The following CLEC4E variants were observed in gnomAD, a reference collection of about 807,000 sequenced individuals.
CLEC4E encodes C-type lectin domain family 4 member E.
A neutral mutation model predicts 24.7 loss-of-function variants in CLEC4E; 21 were observed. The ratio of observed to expected loss-of-function variants is 0.85; its 90% CI spans 0.60 to 1.22. CLEC4E has a LOEUF of 1.22. Ranked by LOEUF, CLEC4E falls within the 50% of genes most tolerant of loss-of-function variation. The pLI is 0.00. For synonymous variants in CLEC4E, 94 were observed against 85.7 expected (o/e 1.10, Z -0.54); for missense variants, 249 against 254.1 (o/e 0.98, Z 0.14).
intron 3 of CLEC4E, among the ~76,000 whole-genome samples, chr12:8,537,737 TG>T (rs1441635238): frequency 6.6e-6 from 1 of 152,242 alleles, no homozygotes; most frequent in African/African-American, 2.4e-5. Context: ...GGACACGAGC[TG>T]TTCCAGTATA....
chr12:8,538,518 A>G (rs1330292186), intron 3 of CLEC4E, among the ~76,000 whole-genome samples: 2 of 152,178 alleles, frequency 1.3e-5, no homozygotes, highest in African/African-American at 4.8e-5. Context: ...CTTGTATCCA[A>G]TAAATAACAG....
intron 3 of CLEC4E, chr12:8,538,981 C>T (rs1324645830): frequency 2.2e-6 from 1 of 449,910 alleles, no homozygotes; most frequent in Admixed American, 4.1e-5. Flanking sequence ...ATAATACCTT[C>T]CACTTCCAGA....
Position 8,539,197 on chromosome 12 carries a change from C to A in CLEC4E, c.220+20G>T. The A allele has an allele frequency of 6.6e-7, 1 of 1,521,000 alleles. No individual in the cohort carries two copies. The highest frequency in any genetic ancestry group is 9.1e-7 in the Non-Finnish European group (1 of 1,100,276). 94.2% of individuals were successfully genotyped at this position (1,521,000 alleles called of 1,614,324 possible). On this transcript the variant is annotated intron_variant, in intron 3 of 5. Coordinates refer to ENST00000299663, the MANE Select transcript of CLEC4E (RefSeq NM_014358.4). ...ATGTTGCTTTGTAAATTTTGATGTT[C>A]ACCTTTGGGACTATTATACCTGATC...
chr12:8,538,667 C>A (rs999253609), intron 3 of CLEC4E, among the ~76,000 whole-genome samples: 6 of 152,168 alleles, frequency 3.9e-5, no homozygotes, highest in Admixed American at 3.3e-4. Flanking sequence ...CAGGGAGAGA[C>A]CCACCAACCC....
At chr12:8,535,578 A>C (rs113988273) in intron 5 of CLEC4E, among the ~76,000 whole-genome samples, 5,148 of 103,398 alleles carry the variant, frequency 0.05, 268 homozygotes, top group African/African-American at 0.14. Context: ...AAAGTTGAAG[A>C]AAAGAAAAAA....
intron 4 of CLEC4E, among the ~76,000 whole-genome samples, chr12:8,536,740 T>A (rs1940620227): frequency 6.6e-6 from 1 of 152,240 alleles, no homozygotes; most frequent in African/African-American, 2.4e-5. Context: ...CTATTATTGG[T>A]GGCCAAATTT....
At chr12:8,538,952 A>C (rs1940656707) in intron 3 of CLEC4E, 1 of 409,110 alleles carries the variant, frequency 2.4e-6, no homozygotes, top group African/African-American at 2.1e-5. Flanking sequence ...TGAATGAAAA[A>C]AAAGGTACAC....
intron 3 of CLEC4E, 129 bp from the exon 4 acceptor site, chr12:8,537,395 T>C: frequency 1.4e-6 from 1 of 712,378 alleles, no homozygotes; most frequent in Non-Finnish European, 2.3e-6. Context: ...CCCTACATCT[T>C]AGTATCTAAG....
intron 4 of CLEC4E, 66 bp downstream of exon 4, chr12:8,537,049 A>C (rs1272157009): frequency 6.7e-7 from 1 of 1,483,508 alleles, no homozygotes; most frequent in African/African-American, 1.4e-5. Context: ...AGCACTGTGC[A>C]TATGTATGAA....
intron 2 of CLEC4E, among the ~76,000 whole-genome samples, 166 bp downstream of exon 2, chr12:8,539,689 G>A (rs956036571): frequency 6.6e-6 from 1 of 151,902 alleles, no homozygotes; most frequent in African/African-American, 2.4e-5. Flanking sequence ...TTCCCTGCTT[G>A]TTGAGGTTTC....
chr12:8,537,306 C>A (rs1257184587), intron 3 of CLEC4E, 40 bp from the exon 4 acceptor site: 7 of 1,580,276 alleles, frequency 4.4e-6, no homozygotes, highest in South Asian at 1.1e-5. Context: ...CCAGGTGAAC[C>A]GAATAAGAAA....
At chr12:8,538,560 T>C (rs999004308) in intron 3 of CLEC4E, among the ~76,000 whole-genome samples, 4 of 152,170 alleles carry the variant, frequency 2.6e-5, no homozygotes, top group Non-Finnish European at 5.9e-5. Flanking sequence ...ACTACCGGTC[T>C]CCGCGCATTG....
At chr12:8,539,184 A>G (rs1940660332) in intron 3 of CLEC4E, 33 bp downstream of exon 3, 6 of 1,433,998 alleles carry the variant, frequency 4.2e-6, no homozygotes, top group Non-Finnish European at 3.9e-6. Context: ...GTTGCTTTGT[A>G]AATTTTGATG....
intron 3 of CLEC4E, among the ~76,000 whole-genome samples, chr12:8,538,203 C>T (rs762434607): frequency 1.8e-4 from 27 of 152,374 alleles, no homozygotes; most frequent in Admixed American, 7.2e-4. Context: ...GGCTTGCCCG[C>T]AGTTATCCGG....
chr12:8,539,592 C>T (rs185845743), intron 2 of CLEC4E, among the ~76,000 whole-genome samples: 280 of 152,162 alleles, frequency 1.8e-3, no homozygotes, highest in African/African-American at 6.1e-3. Flanking sequence ...ATGATAGAGG[C>T]TGAAAGAGGA....
At position 8,539,296 on chromosome 12, in the gene CLEC4E, G is replaced by A. The variant is rs1029480788; in HGVS notation, c.141C>T (p.Arg47=). ...CFITRCVVTF[R]IFQTCDEKKF... ...TTTTCTCATCACAGGTTTGAAAGAT[G>A]CGAAATGTCACTGTAAAAGAAAGGG... The change falls in exon 3 of 6, where the codon CGC becomes CGT. Residue 47 remains arginine (R), a synonymous_variant. Coordinates refer to ENST00000299663, the MANE Select transcript of CLEC4E (RefSeq NM_014358.4). 2 of 1,607,600 alleles carry A rather than the reference G, an allele frequency of 1.2e-6. No homozygotes were observed. The highest frequency in any genetic ancestry group is 1.7e-6 in the Non-Finnish European group (2 of 1,176,156).
chr12:8,539,200 C>T lies in CLEC4E; in HGVS notation c.220+17G>A. Reference sequence around the variant, plus strand: ...TTGCTTTGTAAATTTTGATGTTCACCTTTGGGACTATTATACCTGATCCAT... The same window carrying T: ...TTGCTTTGTAAATTTTGATGTTCACTTTTGGGACTATTATACCTGATCCAT... On this transcript the variant is annotated intron_variant, in intron 3 of 5. Transcript: ENST00000299663. 6.4e-7 allele frequency: 1 copy of T among 1,554,508 alleles called. No individual in the cohort carries two copies. Among genetic ancestry groups the T allele is most frequent in the East Asian group, 2.3e-5 (1 of 44,348 alleles).
At chr12:8,537,954 T>C (rs1342384894) in intron 3 of CLEC4E, among the ~76,000 whole-genome samples, 3 of 151,972 alleles carry the variant, frequency 2.0e-5, no homozygotes, top group Admixed American at 6.5e-5. Flanking sequence ...AAGACAAGAG[T>C]GCGAGCCTTC....
At chr12:8,537,922 G>A (rs918842495) in intron 3 of CLEC4E, among the ~76,000 whole-genome samples, 6 of 152,218 alleles carry the variant, frequency 3.9e-5, no homozygotes, top group African/African-American at 1.4e-4. Flanking sequence ...CGAGCTGAGG[G>A]GACATAGTGA....
Sources: allele counts gnomAD v4.1 joint callset (sites outside exome capture counted in the v4.1 genomes callset), GRCh38; gene constraint gnomAD v4.1.1; transcripts MANE v1.5; gene names NCBI Gene and HGNC (gene_info 2026-07-23, HGNC 2026-07-21).